Variants in ARHGEF7 observed in about 807,000 individuals in gnomAD.
ARHGEF7 encodes the protein PAK-interacting exchange factor beta.
In ARHGEF7, 33 loss-of-function variants were observed where a neutral mutation model predicts 109.8. The ratio of observed to expected loss-of-function variants is 0.30; its 90% CI spans 0.23 to 0.40. The LOEUF (loss-of-function observed/expected upper bound fraction) is 0.40. Ranked by LOEUF, ARHGEF7 falls within the 10% of genes least tolerant of loss-of-function variation. The pLI is 1.00. For missense variants in ARHGEF7, 938 were observed against 1,098.5 expected, an observed-to-expected ratio of 0.85 and a Z score of 2.07; for synonymous variants, 458 against 424.6, an observed-to-expected ratio of 1.08 and a Z score of -0.97.
intron 1 of ARHGEF7, among the ~76,000 whole-genome samples, chr13:111,137,542 C>T (rs1182336758): frequency 3.3e-5 from 5 of 152,186 alleles, no homozygotes; most frequent in Admixed American, 6.5e-5. Flanking sequence ...GAGCAGACCC[C>T]GAGTGCTGCT....
intron 6 of ARHGEF7, 125 bp downstream of exon 6, chr13:111,233,418 A>G: frequency 1.4e-6 from 1 of 736,672 alleles, no homozygotes; most frequent in Non-Finnish European, 2.4e-6. Flanking sequence ...CATCTGCCAC[A>G]CAAATGTAAC....
At chr13:111,280,490 T>C (rs748581056) in intron 14 of ARHGEF7, 48 bp from the exon 15 acceptor site, 1 of 1,578,822 alleles carries the variant, frequency 6.3e-7, no homozygotes, top group Non-Finnish European at 8.6e-7. Context: ...ACGCACGTGC[T>C]TTTTACCTGT....
rs750016560 is a variant in ARHGEF7 at position 111,273,853 on chromosome 13, C to T, written c.1113C>T (p.Ser371=). 1 of 1,614,208 alleles carries T rather than the reference C, an allele frequency of 6.2e-7. No homozygotes were observed. Among genetic ancestry groups the T allele is most frequent in the Admixed American group, 1.7e-5 (1 of 60,024 alleles). Residue 371 remains serine, a synonymous_variant, in exon 10 of 22, where the codon AGC becomes AGT. Transcript: ENST00000646102. This position sits in a 1 kb window ranked among gnomAD's most constrained non-coding sequence, Gnocchi z 4.5. The part of the protein sequence containing the change: ...LGEFMETKGA[S]SPGILVLTTG... The stretch of plus-strand genomic sequence containing the variant: ...AGTTCATGGAGACCAAAGGTGCCAG[C>T]AGCCCTGGGATTCTCGTGCTGACCA...
At chr13:111,211,094 G>T (rs1179484928) in intron 4 of ARHGEF7, among the ~76,000 whole-genome samples, 1 of 152,142 alleles carries the variant, frequency 6.6e-6, no homozygotes, top group Non-Finnish European at 1.5e-5. Context: ...ATCCCCGAGG[G>T]GTCTGACTGC....
intron 9 of ARHGEF7, among the ~76,000 whole-genome samples, chr13:111,270,375 C>T (rs2092039099): frequency 6.6e-6 from 1 of 151,750 alleles, no homozygotes; most frequent in Non-Finnish European, 1.5e-5. Flanking sequence ...AGTCTTTGGT[C>T]AGAGTAGCTG....
chr13:111,147,690 CTTTTTT>C (rs11463808), intron 1 of ARHGEF7, among the ~76,000 whole-genome samples: 2 of 82,348 alleles, frequency 2.4e-5, no homozygotes, highest in African/African-American at 1.0e-4. Flanking sequence ...CAGAGGTCAC[CTTTTTT>C]TTTTTTTTTT....
intron 2 of ARHGEF7, among the ~76,000 whole-genome samples, chr13:111,185,480 A>C (rs536293879): frequency 6.6e-6 from 1 of 152,272 alleles, no homozygotes; most frequent in South Asian, 2.1e-4. Context: ...GGAGTTAGAT[A>C]GGTGTTTGCA....
chr13:111,302,372 G>A (rs2093589221), intron 21 of ARHGEF7, among the ~76,000 whole-genome samples: 1 of 152,262 alleles, frequency 6.6e-6, no homozygotes, highest in Admixed American at 6.5e-5. Flanking sequence ...AACAGCCTGA[G>A]AAGAGTTGTG....
At chr13:111,155,229 A>C (rs570667755) in intron 2 of ARHGEF7, among the ~76,000 whole-genome samples, 3 of 152,326 alleles carry the variant, frequency 2.0e-5, no homozygotes, top group African/African-American at 7.2e-5. Context: ...TCTTTGTAGA[A>C]CCTGTTATGT....
chr13:111,274,916 G>A, intron 11 of ARHGEF7, 126 bp downstream of exon 11: 2 of 574,260 alleles, frequency 3.5e-6, no homozygotes, highest in Non-Finnish European at 2.7e-6. Flanking sequence ...GAAAAACAGA[G>A]TCGGCATTCT....
intron 2 of ARHGEF7, among the ~76,000 whole-genome samples, chr13:111,177,184 G>A (rs1288081178): frequency 1.3e-5 from 2 of 152,242 alleles, no homozygotes; most frequent in Non-Finnish European, 2.9e-5. Flanking sequence ...CGGGAGAAAC[G>A]GAGGTATTGA....
intron 2 of ARHGEF7, among the ~76,000 whole-genome samples, chr13:111,163,869 C>T (rs1381131898): frequency 6.6e-6 from 1 of 152,128 alleles, no homozygotes; most frequent in Non-Finnish European, 1.5e-5. Context: ...CTATTTAACC[C>T]AGTGTATCCA....
Position 111,303,463 on chromosome 13 carries a change from C to T in ARHGEF7, c.*350C>T, listed in dbSNP as rs1443327439. 1.3e-5 allele frequency: 2 copies of T among 156,470 alleles called. No individual in the cohort carries two copies. Among genetic ancestry groups the T allele is most frequent in the East Asian group, 3.6e-4 (2 of 5,504 alleles). The allele number at this position is 156,470 out of a possible 1,614,324, so 9.7% of individuals were successfully genotyped here. On this transcript the variant is annotated 3_prime_UTR_variant, in exon 22 of 22. Transcript: ENST00000646102. ...ATATATACATGTTTCTTGTAAATATCCCATTTTGAATGCATACCTGTGGTG... is the reference window on the plus strand; with the variant it reads ...ATATATACATGTTTCTTGTAAATATTCCATTTTGAATGCATACCTGTGGTG...
intron 1 of ARHGEF7, among the ~76,000 whole-genome samples, chr13:111,149,131 C>T (rs985111730): frequency 2.0e-5 from 3 of 151,690 alleles, no homozygotes; most frequent in Non-Finnish European, 4.4e-5. Flanking sequence ...CATTTCTGTC[C>T]GGGTGCGATG....
intron 2 of ARHGEF7, among the ~76,000 whole-genome samples, chr13:111,189,440 G>C (rs1483227090): frequency 6.6e-6 from 1 of 152,144 alleles, no homozygotes; most frequent in Non-Finnish European, 1.5e-5. Flanking sequence ...GCTCTTAAAG[G>C]TGGCGCATCC....
intron 19 of ARHGEF7, among the ~76,000 whole-genome samples, chr13:111,300,137 G>A (rs188541173): frequency 6.6e-6 from 1 of 152,276 alleles, no homozygotes; most frequent in Non-Finnish European, 1.5e-5. Flanking sequence ...ATAAGCTCTT[G>A]TGTAGGTGTT....
At chr13:111,209,757 G>C (rs1234948288) in intron 3 of ARHGEF7, 115 bp from the exon 4 acceptor site, 13 of 1,214,106 alleles carry the variant, frequency 1.1e-5, no homozygotes, top group Admixed American at 7.7e-5. Context: ...CTGCTTTGTT[G>C]TGGTCTTTTG....
intron 1 of ARHGEF7, among the ~76,000 whole-genome samples, chr13:111,133,797 ATATATATAT>A (rs2074935275): frequency 2.5e-5 from 1 of 40,282 alleles, no homozygotes; most frequent in African/African-American, 6.6e-5. Context: ...ATATATATAT[ATATATATAT>A]ATATATATTT....
chr13:111,210,798 T>C (rs1444818161), intron 4 of ARHGEF7, among the ~76,000 whole-genome samples: 1 of 152,132 alleles, frequency 6.6e-6, no homozygotes, highest in African/African-American at 2.4e-5. Context: ...GTTAGAAACA[T>C]AGTGATCTTG....
Sources: allele counts gnomAD v4.1 joint callset (sites outside exome capture counted in the v4.1 genomes callset), GRCh38; gene constraint gnomAD v4.1.1; non-coding constraint Gnocchi (gnomAD v3.1); transcripts MANE v1.5; gene names NCBI Gene and HGNC (gene_info 2026-07-23, HGNC 2026-07-21).